The following TRIML1 variants were observed in gnomAD, a reference collection of about 807,000 sequenced individuals.
TRIML1 encodes the protein probable E3 ubiquitin-protein ligase TRIML1.
A neutral mutation model predicts 32.3 loss-of-function variants in TRIML1; 34 were observed. The ratio of observed to expected loss-of-function variants is 1.05; its 90% CI spans 0.80 to 1.40. TRIML1 has a LOEUF of 1.40. TRIML1 is among the 40% of genes most tolerant of loss of function. The pLI is 0.00. For missense variants in TRIML1, 595 were observed against 574.9 expected, an observed-to-expected ratio of 1.03 and a Z score of -0.36; for synonymous variants, 244 against 226.6, an observed-to-expected ratio of 1.08 and a Z score of -0.69.
chr4:188,148,977 G>A (rs1215185357), downstream of TRIML1, among the ~76,000 whole-genome samples: 12 of 141,518 alleles, frequency 8.5e-5, no homozygotes, highest in African/African-American at 2.6e-5. Flanking sequence ...GCAGTGGCGC[G>A]ATCTCAGCTC....
At chr4:188,149,943 C>T (rs1163580436), downstream of TRIML1, among the ~76,000 whole-genome samples, 2 of 151,944 alleles carry the variant, frequency 1.3e-5, no homozygotes, top group Admixed American at 1.3e-4. Context: ...GCTGGGACTA[C>T]AGGTGCTCGC....
At position 188,147,048 on chromosome 4, in the gene TRIML1, T is replaced by C; in HGVS notation, c.1083T>C (p.Ser361=). Residue 361 remains serine, a synonymous_variant, in exon 6 of 6, where the codon TCT becomes TCC. Transcript: ENST00000332517. The stretch of plus-strand genomic sequence containing the variant: ...GGGAAGTGGGCATCTGCAAGGACTC[T>C]GTGAGCAGAAAGGGGAATCTCCCCA... ...TEWEVGICKD[S]VSRKGNLPKP... The C allele has an allele frequency of 6.2e-7, 1 of 1,612,736 alleles. No homozygotes were observed. The highest frequency in any genetic ancestry group is 1.1e-5 in the South Asian group (1 of 90,942).
At chr4:188,149,070 C>A (rs570459815), downstream of TRIML1, among the ~76,000 whole-genome samples, 14 of 151,656 alleles carry the variant, frequency 9.2e-5, no homozygotes, top group African/African-American at 3.1e-4. Flanking sequence ...CCCACCACCA[C>A]GCCCGGCTAA....
rs754956671 is a variant in TRIML1, at chr4:188,139,806, C to A, written c.248C>A (p.Ser83Tyr). ...GCCAGCATCGCCAGGCAGCTCCGGTCCCAGGTGCTGCAGAGCGAGGATGAG... is the reference window on the plus strand; with the variant it reads ...GCCAGCATCGCCAGGCAGCTCCGGTACCAGGTGCTGCAGAGCGAGGATGAG... ...RLASIARQLR[S>Y]QVLQSEDEQG... Residue 83 changes from serine (S) to tyrosine (Y), a missense_variant, in exon 1 of 6, where the codon TCC becomes TAC. Physicochemically the swap from Ser to Tyr is moderately radical, Grantham distance 144 (BLOSUM62 -2). Coordinates refer to ENST00000332517, the MANE Select transcript of TRIML1 (RefSeq NM_178556.5). 1 of 1,613,828 alleles carries A rather than the reference C, an allele frequency of 6.2e-7. No individual in the cohort carries two copies. Among genetic ancestry groups the A allele is most frequent in the Non-Finnish European group, 8.5e-7 (1 of 1,180,036 alleles).
At chr4:188,140,814 G>A (rs531696923) in intron 2 of TRIML1, 191 bp downstream of exon 2, 7 of 542,382 alleles carry the variant, frequency 1.3e-5, no homozygotes, top group African/African-American at 1.1e-4. Flanking sequence ...GCTGCAATTC[G>A]CCCCCTCTAG....
At chr4:188,145,467 AAAAAAAAAAG>A (rs1735038201) in intron 5 of TRIML1, among the ~76,000 whole-genome samples, 7 of 49,510 alleles carry the variant, frequency 1.4e-4, no homozygotes, top group Non-Finnish European at 2.4e-4. Context: ...AAAAAAAAAA[AAAAAAAAAAG>A]TCAGAAATGG....
At chr4:188,146,678 A>G in intron 5 of TRIML1, 144 bp from the exon 6 acceptor site, 1 of 579,246 alleles carries the variant, frequency 1.7e-6, no homozygotes, top group South Asian at 5.9e-5. Flanking sequence ...AAAGTGCTGC[A>G]TTACAGGCGC....
At chr4:188,141,134 T>C (rs1477083188) in intron 2 of TRIML1, among the ~76,000 whole-genome samples, 1 of 151,082 alleles carries the variant, frequency 6.6e-6, no homozygotes, top group Non-Finnish European at 1.5e-5. Context: ...TAAAACCATG[T>C]ATCTGATTCT....
Position 188,139,803 on chromosome 4 carries a change from G to T in TRIML1, c.245G>T (p.Arg82Leu), listed in dbSNP as rs369748946. 5.0e-6 allele frequency: 8 copies of T among 1,613,810 alleles called. No homozygotes were observed. The African/African-American group carries it at 8.0e-5, about 16-fold the overall frequency. Residue 82 changes from arginine to leucine, a missense_variant, in exon 1 of 6, where the codon CGG becomes CTG. Physicochemically the swap from Arg to Leu is moderately radical, Grantham distance 102. Coordinates refer to ENST00000332517, the MANE Select transcript of TRIML1 (RefSeq NM_178556.5). ...CTGGCCAGCATCGCCAGGCAGCTCC[G>T]GTCCCAGGTGCTGCAGAGCGAGGAT... ...GRLASIARQL[R>L]SQVLQSEDEQ... is the part of the protein sequence containing the mutation.
At chr4:188,150,201 C>A (rs1735214189), downstream of TRIML1, among the ~76,000 whole-genome samples, 1 of 151,936 alleles carries the variant, frequency 6.6e-6, no homozygotes, top group South Asian at 2.1e-4. Context: ...TCTCGGCTCA[C>A]TGCAGCCTCC....
chr4:188,149,201 G>C (rs1735187011), downstream of TRIML1, among the ~76,000 whole-genome samples: 2 of 151,950 alleles, frequency 1.3e-5, no homozygotes, highest in Non-Finnish European at 2.9e-5. Flanking sequence ...TTCCAGGCGT[G>C]AGCCCCCGCG....
downstream of TRIML1, among the ~76,000 whole-genome samples, chr4:188,150,071 T>G (rs1316588696): frequency 6.6e-6 from 1 of 152,112 alleles, no homozygotes; most frequent in East Asian, 1.9e-4. Context: ...CCCAAAGTGT[T>G]GAGATTAGAG....
downstream of TRIML1, among the ~76,000 whole-genome samples, chr4:188,149,690 G>A (rs1193474987): frequency 6.6e-6 from 1 of 152,160 alleles, no homozygotes; most frequent in Non-Finnish European, 1.5e-5. Context: ...CCTGAATTCA[G>A]CATTTAATTC....
intron 3 of TRIML1, 65 bp downstream of exon 3, chr4:188,142,547 G>T: frequency 7.9e-7 from 1 of 1,265,408 alleles, no homozygotes; most frequent in Non-Finnish European, 1.1e-6. Context: ...TCAAGCCATA[G>T]GAAATAATGT....
Position 188,140,827 on chromosome 4 carries a change from G to T in TRIML1, c.504+204G>T. On this transcript the variant is annotated intron_variant, in intron 2 of 5. Transcript: ENST00000332517. ...CAGCTGCAATTCGCCCCCTCTAGGA[G>T]CCTCCTTTGCATAACTAGACAACGC... 1.4e-5 allele frequency: 7 copies of T among 510,788 alleles called. No homozygotes were observed. In the South Asian group the frequency reaches 1.8e-4, roughly 13 times the overall value. 31.6% of individuals were successfully genotyped at this position (510,788 alleles called of 1,614,324 possible).
At chr4:188,148,179 C>A (rs1022511634), downstream of TRIML1, among the ~76,000 whole-genome samples, 21 of 152,068 alleles carry the variant, frequency 1.4e-4, no homozygotes, top group Admixed American at 7.9e-4. Context: ...GGCCAAAGAG[C>A]CTACCCTCTT....
chr4:188,145,236 G>A (rs149268782), intron 5 of TRIML1, among the ~76,000 whole-genome samples: 18,568 of 151,466 alleles, frequency 0.12, 1,534 homozygotes, highest in Middle Eastern at 0.24. Flanking sequence ...TCAGGAGTTC[G>A]AGACCAGCCT....
downstream of TRIML1, among the ~76,000 whole-genome samples, chr4:188,150,424 T>G (rs1735222962): frequency 6.6e-6 from 1 of 152,186 alleles, no homozygotes; most frequent in Admixed American, 6.5e-5. Context: ...CCACCGCACC[T>G]GGGCCCCACT....
chr4:188,140,690 T>C, intron 2 of TRIML1, 67 bp downstream of exon 2: 2 of 1,172,856 alleles, frequency 1.7e-6, no homozygotes, highest in East Asian at 4.8e-5. Flanking sequence ...GGAAATTTAG[T>C]GAAATATCAG....
Sources: gnomAD v4.1 joint callset for allele counts (sites outside exome capture counted in the v4.1 genomes callset) on GRCh38, gnomAD v4.1.1 for gene constraint, MANE v1.5 for transcripts, NCBI Gene and HGNC (gene_info 2026-07-23, HGNC 2026-07-21) for gene names.